Variants in KYAT3 observed in about 807,000 individuals in gnomAD.
KYAT3 encodes the protein kynurenine--oxoglutarate transaminase 3.
Under a neutral mutation model 59.0 loss-of-function variants are expected in KYAT3, and 50 were observed. The observed-to-expected ratio is 0.85, with a 90% CI of 0.68 to 1.07. The LOEUF is 1.07. Among genes scored for constraint, KYAT3 ranks in the 50% least tolerant of loss-of-function variants. KYAT3 has a pLI of 0.00. For missense variants in KYAT3, 497 were observed against 533.3 expected (o/e 0.93, Z 0.67); for synonymous variants, 148 against 177.0 (o/e 0.84, Z 1.30).
At chr1:88,986,390 C>T (rs1677460155) in intron 2 of KYAT3, among the ~76,000 whole-genome samples, 1 of 151,466 alleles carries the variant, frequency 6.6e-6, no homozygotes. Context: ...CTTTGGGAGG[C>T]CGAGGCAGGT....
chr1:88,937,331 A>G (rs1178082618), intron 13 of KYAT3, among the ~76,000 whole-genome samples: 1 of 152,122 alleles, frequency 6.6e-6, no homozygotes, highest in Non-Finnish European at 1.5e-5. Context: ...CTGAACCGGG[A>G]AAAGGGTATT....
intron 8 of KYAT3, among the ~76,000 whole-genome samples, chr1:88,956,771 A>G (rs1675934722): frequency 6.6e-6 from 1 of 152,226 alleles, no homozygotes; most frequent in South Asian, 2.1e-4. Flanking sequence ...CTAAAATGCA[A>G]GAGTTTGTAA....
At chr1:88,944,443 C>T (rs1368972997) in intron 11 of KYAT3, among the ~76,000 whole-genome samples, 1 of 152,152 alleles carries the variant, frequency 6.6e-6, no homozygotes, top group Non-Finnish European at 1.5e-5. Flanking sequence ...TTAAGGAGAA[C>T]ATAAAATTTC....
chr1:88,957,812 C>T (rs1286963504), intron 8 of KYAT3, among the ~76,000 whole-genome samples: 3 of 152,242 alleles, frequency 2.0e-5, no homozygotes, highest in African/African-American at 7.2e-5. Flanking sequence ...GAGTTAATTA[C>T]AACAAGAAAG....
intron 2 of KYAT3, chr1:88,979,904 C>G (rs1360407164): frequency 1.3e-5 from 2 of 152,162 alleles, no homozygotes; most frequent in Non-Finnish European, 2.9e-5. Context: ...TAGCCCCAAA[C>G]TGGAAACAAT....
chr1:88,978,860 G>GC (rs1198202591), intron 2 of KYAT3, among the ~76,000 whole-genome samples: 2 of 149,644 alleles, frequency 1.3e-5, no homozygotes, highest in East Asian at 3.9e-4. Flanking sequence ...GTCTTGCTTT[G>GC]CCCATGCTGG....
At chr1:88,978,662 T>TAA (rs1676916617) in intron 2 of KYAT3, among the ~76,000 whole-genome samples, 1 of 149,114 alleles carries the variant, frequency 6.7e-6, no homozygotes, top group Non-Finnish European at 1.5e-5. Flanking sequence ...CACACCTGGC[T>TAA]AATTTTGTTC....
At chr1:88,958,968 TA>T in intron 8 of KYAT3, among the ~76,000 whole-genome samples, 1 of 152,278 alleles carries the variant, frequency 6.6e-6, no homozygotes, top group African/African-American at 2.4e-5. Context: ...TGCCAGTTAC[TA>T]AAACACACCC....
In KYAT3 at chr1:88,948,661, T is replaced by C. The variant is rs145025184; in HGVS notation, c.1141+430A>G. On this transcript the variant is annotated intron_variant, in intron 11 of 13. Transcript: ENST00000260508. ...AAGTGTTATTCTCCCATTTATTTTA[T>C]TTCAGTACATTCTAAAATGGCAAAT... Among the ~76,000 whole-genome samples the C allele has an allele frequency of 4.2e-4, 64 of 152,342 alleles. 1 individual carries two copies. The highest frequency in any genetic ancestry group is 1.5e-3 in the African/African-American group (61 of 41,580).
At chr1:88,992,293 A>C (rs1234292899) in intron 1 of KYAT3, among the ~76,000 whole-genome samples, 1 of 152,214 alleles carries the variant, frequency 6.6e-6, no homozygotes. Context: ...TAAGAGTCCC[A>C]AAGTCATTCT....
chr1:88,939,150 C>T (rs974550477), intron 13 of KYAT3, among the ~76,000 whole-genome samples: 4 of 152,070 alleles, frequency 2.6e-5, no homozygotes. Flanking sequence ...TTTCATTTCC[C>T]TTACTATGAA....
intron 2 of KYAT3, among the ~76,000 whole-genome samples, chr1:88,973,763 C>CT (rs1676649269): frequency 6.6e-6 from 1 of 152,098 alleles, no homozygotes; most frequent in Non-Finnish European, 1.5e-5. Context: ...AAGATTAAGT[C>CT]TTTAAAAAAG....
At chr1:88,935,707 A>C (rs1675008710), downstream of KYAT3, 1 of 296,786 alleles carries the variant, frequency 3.4e-6, no homozygotes, top group Non-Finnish European at 6.1e-6. Context: ...TGGGTACACA[A>C]AACAAATAGA....
downstream of KYAT3, among the ~76,000 whole-genome samples, chr1:88,931,628 T>C (rs1034781230): frequency 6.6e-6 from 1 of 152,036 alleles, no homozygotes; most frequent in East Asian, 1.9e-4. Flanking sequence ...TAAGGCTAGC[T>C]GGGAAGGTGA....
chr1:88,978,510 T>G (rs1676908046), intron 2 of KYAT3, among the ~76,000 whole-genome samples: 1 of 152,000 alleles, frequency 6.6e-6, no homozygotes, highest in Non-Finnish European at 1.5e-5. Context: ...TAACTTTAAT[T>G]TTTTTGAGAC....
intron 2 of KYAT3, chr1:88,984,003 T>A: frequency 1.5e-6 from 1 of 679,676 alleles, no homozygotes; most frequent in South Asian, 1.9e-5. Flanking sequence ...GGCTATCCAT[T>A]CAAAAAACCA....
In KYAT3 at chr1:88,968,760, G is replaced by C. The variant is rs148194806; in HGVS notation, c.213C>G (p.Gly71=). 1.9e-6 allele frequency: 3 copies of C among 1,597,350 alleles called. No homozygotes were observed. Among genetic ancestry groups the C allele is most frequent in the Non-Finnish European group, 1.7e-6 (2 of 1,175,620 alleles). ...ATGTAGGAGGGGATATATCTGGAAA[G>C]CCTTGGCCAAGATTCACAACAGAAG... ...ADPSVVNLGQ[G]FPDISPPTYV... The change falls in exon 4 of 14, where the codon GGC becomes GGG. Residue 71 remains glycine (G), a synonymous_variant. Transcript: ENST00000260508.
chr1:88,950,935 C>T (rs1315456263), intron 10 of KYAT3, among the ~76,000 whole-genome samples: 1 of 152,180 alleles, frequency 6.6e-6, no homozygotes, highest in African/African-American at 2.4e-5. Flanking sequence ...TTAGCTTTTC[C>T]TACTCTTCTC....
At position 88,955,166 on chromosome 1, in the gene KYAT3, T is replaced by G; in HGVS notation, c.847A>C (p.Ser283Arg). Reference protein sequence around the residue: ...ITIGSAGKTFSVTGWKLGWSI... With the variant: ...ITIGSAGKTFRVTGWKLGWSI... ...CATCTTACCTTCCAGCCAGTTACACTGAAAGTCTTTCCAGCACTTCCTATT... is the reference window on the plus strand; with the variant it reads ...CATCTTACCTTCCAGCCAGTTACACGGAAAGTCTTTCCAGCACTTCCTATT... The change falls in exon 9 of 14, where the codon AGT becomes CGT. Residue 283 changes from serine to arginine, a missense_variant. Physicochemically the swap from Ser to Arg is moderately radical, Grantham distance 110. Transcript: ENST00000260508. 1 of 1,610,148 alleles carries G rather than the reference T, an allele frequency of 6.2e-7. No homozygotes were observed.
Sources: allele counts gnomAD v4.1 joint callset (sites outside exome capture counted in the v4.1 genomes callset), GRCh38; gene constraint gnomAD v4.1.1; transcripts MANE v1.5; gene names NCBI Gene and HGNC (gene_info 2026-07-23, HGNC 2026-07-21).